Variants in GNAQ observed in about 807,000 individuals in gnomAD.
GNAQ encodes the protein guanine nucleotide-binding protein G(q) subunit alpha.
Under a neutral mutation model 43.9 loss-of-function variants are expected in GNAQ, and 8 were observed. The ratio of observed to expected loss-of-function variants is 0.18; its 90% CI spans 0.11 to 0.33. The LOEUF is 0.33. Among genes scored for constraint, GNAQ ranks in the 10% least tolerant of loss-of-function variants. GNAQ has a pLI of 1.00. For synonymous variants in GNAQ, 155 were observed against 170.7 expected (o/e 0.91, Z 0.71); for missense variants, 158 against 450.8 (o/e 0.35, Z 5.88).
chr9:77,771,490 A>C (rs138628729), intron 5 of GNAQ, among the ~76,000 whole-genome samples: 1 of 152,346 alleles, frequency 6.6e-6, no homozygotes, highest in Non-Finnish European at 1.5e-5. Context: ...AAAATGAGAG[A>C]TATATTCCTC....
intron 2 of GNAQ, among the ~76,000 whole-genome samples, chr9:77,833,008 C>A (rs943349391): frequency 6.6e-6 from 1 of 152,070 alleles, no homozygotes; most frequent in African/African-American, 2.4e-5. Flanking sequence ...GCTCTATCTC[C>A]CAGGCTGGAA....
At position 77,983,024 on chromosome 9, in the gene GNAQ, C is replaced by A. The variant is rs113036427; in HGVS notation, c.136+48076G>T. Among the ~76,000 whole-genome samples, 897 of 152,188 alleles carry A rather than the reference C, an allele frequency of 5.9e-3. 3 individuals are homozygous for A. Among genetic ancestry groups the A allele is most frequent in the African/African-American group, 0.02 (847 of 41,526 alleles). On this transcript the variant is annotated intron_variant, in intron 1 of 6. Coordinates refer to ENST00000286548, the MANE Select transcript of GNAQ (RefSeq NM_002072.5). The stretch of plus-strand genomic sequence containing the variant: ...TAGAAGAACCATAACAGAGAAAATA[C>A]CTACATGGGTCTCTAACTGGCCCCT...
At chr9:77,739,409 A>C (rs1825620249) in intron 5 of GNAQ, among the ~76,000 whole-genome samples, 1 of 152,156 alleles carries the variant, frequency 6.6e-6, no homozygotes, top group Non-Finnish European at 1.5e-5. Context: ...TTTTGTTATA[A>C]ATTTGTATGC....
At chr9:77,966,091 G>A (rs1823164064) in intron 1 of GNAQ, among the ~76,000 whole-genome samples, 1 of 152,126 alleles carries the variant, frequency 6.6e-6, no homozygotes, top group Non-Finnish European at 1.5e-5. Flanking sequence ...CATACTGTAT[G>A]TTCCCTCAGG....
At chr9:77,839,817 A>C (rs1343981010) in intron 2 of GNAQ, among the ~76,000 whole-genome samples, 1 of 152,246 alleles carries the variant, frequency 6.6e-6, no homozygotes, top group Non-Finnish European at 1.5e-5. Flanking sequence ...TTAAGTGCTG[A>C]AAAATACATA....
intron 5 of GNAQ, among the ~76,000 whole-genome samples, chr9:77,753,950 T>G (rs1004058158): frequency 6.6e-6 from 1 of 152,216 alleles, no homozygotes; most frequent in South Asian, 2.1e-4. Flanking sequence ...TGTTTGTGTG[T>G]TGGGATAAAG....
chr9:77,775,969 T>G (rs953759490), intron 5 of GNAQ, among the ~76,000 whole-genome samples: 1 of 152,104 alleles, frequency 6.6e-6, no homozygotes, highest in Non-Finnish European at 1.5e-5. Context: ...AAAATTCAAT[T>G]TAGAGACAAA....
At chr9:77,808,295 G>C (rs1299913518) in intron 3 of GNAQ, among the ~76,000 whole-genome samples, 3 of 151,472 alleles carry the variant, frequency 2.0e-5, no homozygotes, top group Non-Finnish European at 4.4e-5. Context: ...CTTTCTGAAA[G>C]GGGAATAATA....
intron 3 of GNAQ, among the ~76,000 whole-genome samples, chr9:77,811,702 T>C (rs1826929994): frequency 6.6e-6 from 1 of 152,156 alleles, no homozygotes; most frequent in Non-Finnish European, 1.5e-5. Context: ...TGTAAAGTGC[T>C]CACTACTAAG....
intron 1 of GNAQ, among the ~76,000 whole-genome samples, chr9:77,976,929 C>T (rs980016218): frequency 6.6e-6 from 1 of 152,194 alleles, no homozygotes; most frequent in Non-Finnish European, 1.5e-5. Context: ...TCATTTAAAA[C>T]CACCTGCCTG....
chr9:77,999,176 A>C (rs1823614195), intron 1 of GNAQ, among the ~76,000 whole-genome samples: 1 of 151,178 alleles, frequency 6.6e-6, no homozygotes, highest in Admixed American at 6.6e-5. Context: ...ACTGTAGATT[A>C]CCTATAAATG....
intron 5 of GNAQ, among the ~76,000 whole-genome samples, chr9:77,790,126 T>C (rs980087995): frequency 3.3e-5 from 5 of 152,212 alleles, no homozygotes; most frequent in African/African-American, 1.2e-4. Context: ...AAGCCAAGTG[T>C]ACCAAAGGCC....
chr9:77,819,782 A>AG (rs1006778148), intron 2 of GNAQ, among the ~76,000 whole-genome samples: 8 of 25,360 alleles, frequency 3.2e-4, no homozygotes, highest in Non-Finnish European at 1.1e-3. Flanking sequence ...TGGACTGTGG[A>AG]AAAAAAAAAA....
chr9:77,821,300 T>C (rs1248190852), intron 2 of GNAQ, among the ~76,000 whole-genome samples: 1 of 152,190 alleles, frequency 6.6e-6, no homozygotes, highest in African/African-American at 2.4e-5. Flanking sequence ...CTATAGGCTT[T>C]ATTTGCTCAT....
intron 5 of GNAQ, among the ~76,000 whole-genome samples, chr9:77,775,667 G>C (rs1268070630): frequency 6.6e-6 from 1 of 151,732 alleles, no homozygotes; most frequent in Non-Finnish European, 1.5e-5. Context: ...CAAAGTGCTG[G>C]GATTACAGGC....
chr9:77,883,458 G>GTT (rs531622228), intron 2 of GNAQ, among the ~76,000 whole-genome samples: 37 of 138,820 alleles, frequency 2.7e-4, no homozygotes, highest in Non-Finnish European at 2.2e-4. Flanking sequence ...AAAGGGGGTA[G>GTT]TTTTTTTTTT....
chr9:77,879,357 G>A (rs577212364), intron 2 of GNAQ, among the ~76,000 whole-genome samples: 45 of 152,030 alleles, frequency 3.0e-4, no homozygotes, highest in African/African-American at 1.0e-3. Flanking sequence ...TCCGCCTCCC[G>A]GGTTCAAATG....
intron 1 of GNAQ, among the ~76,000 whole-genome samples, chr9:77,969,848 T>A (rs1823214373): frequency 6.6e-6 from 1 of 152,216 alleles, no homozygotes; most frequent in Non-Finnish European, 1.5e-5. Flanking sequence ...CAGGCATGCA[T>A]TCCGTAGACA....
At position 78,031,201 on chromosome 9, in the gene GNAQ, C is replaced by T. The variant is rs1824054104; in HGVS notation, c.35G>A (p.Ser12Asn). The change falls in exon 1 of 7, where the codon AGC becomes AAC. Residue 12 changes from serine to asparagine, a missense_variant. Transcript: ENST00000286548. ...CCGCCGGGCTTCCTTGGCCTCCTCG[C>T]TCAGGCAGCACGCCATGATGGACTC... ...TLESIMACCLSEEAKEARRIN... is the reference protein window; with the variant it reads ...TLESIMACCLNEEAKEARRIN... The T allele has an allele frequency of 6.4e-7, 1 of 1,551,986 alleles. No homozygotes were observed. Among genetic ancestry groups the T allele is most frequent in the Non-Finnish European group, 8.7e-7 (1 of 1,149,094 alleles).
Sources: allele counts gnomAD v4.1 joint callset (sites outside exome capture counted in the v4.1 genomes callset), GRCh38; gene constraint gnomAD v4.1.1; transcripts MANE v1.5; gene names NCBI Gene and HGNC (gene_info 2026-07-23, HGNC 2026-07-21).